NFYC: variants seen among roughly 807,000 people sequenced by gnomAD.
NFYC encodes the protein nuclear transcription factor Y subunit gamma.
In NFYC, 25 loss-of-function variants were observed where a neutral mutation model predicts 53.1. The ratio of observed to expected loss-of-function variants is 0.47; its 90% CI spans 0.34 to 0.66. The LOEUF is 0.66. NFYC is among the 30% of genes least tolerant of loss of function. NFYC has a pLI of 0.01. For missense variants in NFYC, 260 were observed against 422.7 expected (o/e 0.62, Z 3.38); for synonymous variants, 145 against 152.6 (o/e 0.95, Z 0.37).
intron 2 of NFYC, among the ~76,000 whole-genome samples, chr1:40,746,775 T>G (rs960874669): frequency 2.4e-4 from 36 of 152,198 alleles, no homozygotes; most frequent in African/African-American, 8.4e-4. Flanking sequence ...CTCAAATTAT[T>G]GAGTAGTGCT....
At chr1:40,725,114 T>G (rs1041616517) in intron 1 of NFYC, among the ~76,000 whole-genome samples, 1 of 152,222 alleles carries the variant, frequency 6.6e-6, no homozygotes, top group African/African-American at 2.4e-5. Flanking sequence ...GGGTTTAGAA[T>G]GTAAGTAATA....
At chr1:40,722,840 G>A (rs953663419) in intron 1 of NFYC, among the ~76,000 whole-genome samples, 9 of 152,190 alleles carry the variant, frequency 5.9e-5, no homozygotes, top group Non-Finnish European at 1.3e-4. Context: ...GTTCGCAGCT[G>A]AGTATTCATA....
rs1250823907 is a variant in NFYC at position 40,770,293 on chromosome 1, G to C, written c.889-416G>C. On this transcript the variant is annotated intron_variant, in intron 9 of 9. Coordinates refer to ENST00000447388, the MANE Select transcript of NFYC (RefSeq NM_014223.5). This position sits in a 1 kb window ranked among gnomAD's most constrained non-coding sequence, Gnocchi z 5.3. The stretch of plus-strand genomic sequence containing the variant: ...TATTCTGAGAAAAGAAGGAGAGGAG[G>C]GGGTAATCCTACTGCCCCTGCCAGT... 5.7e-6 allele frequency: 6 copies of C among 1,060,016 alleles called. No homozygotes were observed. Among genetic ancestry groups the C allele is most frequent in the African/African-American group, 3.2e-5 (2 of 62,492 alleles). 65.7% of individuals were successfully genotyped at this position (1,060,016 alleles called of 1,614,324 possible). A position where few individuals can be genotyped will look rare whatever the true frequency, so the allele number is the denominator to read the frequency against.
intron 1 of NFYC, among the ~76,000 whole-genome samples, chr1:40,714,890 C>T (rs796194357): frequency 2.6e-5 from 4 of 151,922 alleles, no homozygotes; most frequent in African/African-American, 9.7e-5. Context: ...ACCATCCTGG[C>T]TAACATGGTT....
chr1:40,746,532 C>T (rs564868598), intron 2 of NFYC, among the ~76,000 whole-genome samples: 1 of 152,220 alleles, frequency 6.6e-6, no homozygotes, highest in South Asian at 2.1e-4. Context: ...TGCAAATTCC[C>T]AGGTGAGCAT....
chr1:40,736,886 G>A (rs937793663), intron 1 of NFYC, among the ~76,000 whole-genome samples: 2 of 150,406 alleles, frequency 1.3e-5, no homozygotes, highest in African/African-American at 4.9e-5. Flanking sequence ...CAGCACTTTG[G>A]GAGGACGAGG....
chr1:40,720,303 A>G (rs1021252258), intron 1 of NFYC, among the ~76,000 whole-genome samples: 2 of 152,054 alleles, frequency 1.3e-5, no homozygotes, highest in East Asian at 1.9e-4. Context: ...TTAATTGACA[A>G]TTTTCTGCCT....
chr1:40,761,587 T>C (rs1646547507), intron 6 of NFYC, among the ~76,000 whole-genome samples: 1 of 152,208 alleles, frequency 6.6e-6, no homozygotes, highest in South Asian at 2.1e-4. Context: ...CCTAGCCCAC[T>C]GCATGTACTT....
rs561528784 is a variant in NFYC, at chr1:40,732,975, A to G, written c.-8-5861A>G. ...CATTTCCTTTGGTTAGGCAATTCCA[A>G]TAAGTATGTCAGGGCCAAGCTTTCC... On this transcript the variant is annotated intron_variant, in intron 1 of 9. Coordinates refer to ENST00000447388, the MANE Select transcript of NFYC (RefSeq NM_014223.5). 4.6e-4 allele frequency among the ~76,000 whole-genome samples: 69 copies of G among 150,372 alleles called. 2 individuals carry two copies. The highest frequency in any genetic ancestry group is 9.6e-4 in the Non-Finnish European group (65 of 67,806).
At chr1:40,712,227 A>G (rs1643950899) in intron 1 of NFYC, among the ~76,000 whole-genome samples, 1 of 152,214 alleles carries the variant, frequency 6.6e-6, no homozygotes, top group African/African-American at 2.4e-5. Context: ...CTTCACCTGC[A>G]TATTCCTATT....
intron 1 of NFYC, among the ~76,000 whole-genome samples, chr1:40,736,874 C>T (rs1405766308): frequency 1.4e-5 from 2 of 144,746 alleles, no homozygotes; most frequent in African/African-American, 2.6e-5. Flanking sequence ...CGCCTGTAAT[C>T]CCAGCACTTT....
chr1:40,740,808 G>C (rs181950872), intron 2 of NFYC, among the ~76,000 whole-genome samples: 1 of 152,136 alleles, frequency 6.6e-6, no homozygotes, highest in Non-Finnish European at 1.5e-5. Context: ...GGCCAATCGA[G>C]CAAGTCTGTG....
At chr1:40,746,171 G>A (rs1443260589) in intron 2 of NFYC, among the ~76,000 whole-genome samples, 2 of 152,160 alleles carry the variant, frequency 1.3e-5, no homozygotes, top group African/African-American at 4.8e-5. Flanking sequence ...CTAAGTCTCT[G>A]TTACTCCAGG....
chr1:40,747,496 G>A (rs753333152), intron 2 of NFYC, 38 bp from the exon 3 acceptor site: 2 of 1,472,846 alleles, frequency 1.4e-6, no homozygotes, highest in South Asian at 2.3e-5. Context: ...ACTGTTGATT[G>A]TCCCCACCAT....
chr1:40,758,273 C>A lies in NFYC; in HGVS notation c.540C>A (p.Ile180=), dbSNP rs780304347. The A allele has an allele frequency of 6.2e-7, 1 of 1,612,702 alleles. No individual in the cohort carries two copies. The highest frequency in any genetic ancestry group is 8.5e-7 in the Non-Finnish European group (1 of 1,179,380). The change falls in exon 6 of 10, where the codon ATC becomes ATA. Residue 180 remains isoleucine (I), a synonymous_variant. Transcript: ENST00000447388. ...CCATCCAGCCTGGGCAGATCATCAT[C>A]GCACAGCCTCAGCAGGGCCAGGTCT... ...TTTIQPGQII[I]AQPQQGQTTP...
intron 5 of NFYC, 196 bp from the exon 6 acceptor site, chr1:40,757,907 GTATGTTTTGTGAAGCCTA>G (rs1646318395): frequency 3.4e-6 from 2 of 596,090 alleles, no homozygotes; most frequent in South Asian, 4.1e-5. Context: ...GAAATTGGCT[GTATGTTTTGTGAAGCCTA>G]TAGGATCTGT....
intron 5 of NFYC, among the ~76,000 whole-genome samples, chr1:40,753,523 A>G (rs1646031261): frequency 6.6e-6 from 1 of 152,240 alleles, no homozygotes; most frequent in Non-Finnish European, 1.5e-5. Flanking sequence ...TATCTTAGGA[A>G]GTCTATCAGA....
chr1:40,761,373 C>T (rs768669665), intron 6 of NFYC, among the ~76,000 whole-genome samples: 42 of 152,098 alleles, frequency 2.8e-4, no homozygotes, highest in Non-Finnish European at 5.4e-4. Flanking sequence ...TCCCTGGACC[C>T]GTAGTGATGG....
chr1:40,748,503 T>A (rs1645739552), intron 3 of NFYC, among the ~76,000 whole-genome samples: 1 of 152,216 alleles, frequency 6.6e-6, no homozygotes, highest in Non-Finnish European at 1.5e-5. Context: ...GACAGTGCCA[T>A]CATCTTAGCG....
Sources: allele counts gnomAD v4.1 joint callset (sites outside exome capture counted in the v4.1 genomes callset), GRCh38; gene constraint gnomAD v4.1.1; non-coding constraint Gnocchi (gnomAD v3.1); transcripts MANE v1.5; gene names NCBI Gene and HGNC (gene_info 2026-07-23, HGNC 2026-07-21).